The following MEST variants were observed in gnomAD, a reference collection of about 807,000 sequenced individuals.
MEST encodes the protein mesoderm specific transcript, also known as mesoderm-specific transcript homolog protein.
In MEST, 18 loss-of-function variants were observed where a neutral mutation model predicts 50.9. The ratio of observed to expected loss-of-function variants is 0.35; its 90% CI spans 0.24 to 0.52. The LOEUF is 0.52. MEST is among the 20% of genes least tolerant of loss of function. The pLI is 0.94. For synonymous variants in MEST, 130 were observed against 154.1 expected (o/e 0.84, Z 1.16); for missense variants, 282 against 425.3 (o/e 0.66, Z 2.96).
chr7:130,493,739 G>A (rs1419412265), intron 1 of MEST, among the ~76,000 whole-genome samples: 2 of 152,190 alleles, frequency 1.3e-5, no homozygotes, highest in Admixed American at 6.5e-5. Context: ...CTGGAACCCC[G>A]GGGATGAATG....
At chr7:130,491,592 C>T (rs1389803075), upstream of MEST, 4 of 152,282 alleles carry the variant, frequency 2.6e-5, no homozygotes, top group Non-Finnish European at 5.9e-5. The surrounding 1 kb of genome is among the most constrained non-coding windows in gnomAD (Gnocchi z 6.8). Flanking sequence ...CGCCACCTCT[C>T]ACGGTTCAGT....
intron 1 of MEST, 79 bp from the exon 2 acceptor site, chr7:130,495,289 C>G: frequency 7.0e-7 from 1 of 1,425,096 alleles, no homozygotes; most frequent in Non-Finnish European, 9.5e-7. Context: ...TCTCCCACCC[C>G]ATCTTACCAG....
upstream of MEST, chr7:130,491,092 A>G (rs880001492): frequency 1.3e-5 from 2 of 152,240 alleles, no homozygotes; most frequent in Non-Finnish European, 2.9e-5. This position sits in a 1 kb window ranked among gnomAD's most constrained non-coding sequence, Gnocchi z 6.8. Context: ...GTTCACCAGT[A>G]TTTCAGTTTA....
intron 1 of MEST, 119 bp from the exon 2 acceptor site, chr7:130,495,249 G>C (rs1799001858): frequency 1.0e-6 from 1 of 983,050 alleles, no homozygotes; most frequent in East Asian, 2.6e-5. Flanking sequence ...CTATGTGAAG[G>C]GCAATGTAAT....
intron 7 of MEST, 74 bp downstream of exon 7, chr7:130,499,989 C>T: frequency 4.1e-6 from 5 of 1,213,968 alleles, no homozygotes; most frequent in Non-Finnish European, 5.9e-6. Context: ...CTTTTAAGGG[C>T]CATAGCTCCT....
At chr7:130,494,943 T>C (rs1554436409) in intron 1 of MEST, 1 of 574,250 alleles carries the variant, frequency 1.7e-6, no homozygotes, top group Admixed American at 6.3e-5. Context: ...GGGTAGATGG[T>C]AGAGCTTTTG....
intron 11 of MEST, among the ~76,000 whole-genome samples, chr7:130,504,409 T>G (rs1799396270): frequency 6.6e-6 from 1 of 152,232 alleles, no homozygotes; most frequent in African/African-American, 2.4e-5. Flanking sequence ...GCCTTCTCAT[T>G]GGTTGCTATT....
chr7:130,500,696 A>G lies in MEST; in HGVS notation c.648-93A>G, dbSNP rs2116285103. ...ATAAATCACTTATGGGTCAGACTGC[A>G]TGGCCCAGACTGCATGGCCTCTGAG... On this transcript the variant is annotated intron_variant, in intron 8 of 11. Coordinates refer to ENST00000223215, the MANE Select transcript of MEST (RefSeq NM_002402.4). This position sits in a 1 kb window ranked among gnomAD's most constrained non-coding sequence, Gnocchi z 5.0. 2.4e-6 allele frequency: 3 copies of G among 1,227,036 alleles called. No homozygotes were observed. The highest frequency in any genetic ancestry group is 4.2e-5 in the Admixed American group (2 of 47,108). The allele number at this position is 1,227,036 out of a possible 1,614,324, so 76.0% of individuals were successfully genotyped here. A position where few individuals can be genotyped will look rare whatever the true frequency, so the allele number is the denominator to read the frequency against.
At chr7:130,491,902 G>A (rs1359903622), upstream of MEST, among the ~76,000 whole-genome samples, 3 of 152,068 alleles carry the variant, frequency 2.0e-5, no homozygotes, top group Non-Finnish European at 4.4e-5. The surrounding 1 kb of genome is among the most constrained non-coding windows in gnomAD (Gnocchi z 6.8). Flanking sequence ...CACCCCTGAA[G>A]GTGCCCCCTA....
chr7:130,488,339 C>A (rs1798684284), upstream of MEST: 1 of 152,328 alleles, frequency 6.6e-6, no homozygotes, highest in Non-Finnish European at 1.5e-5. Flanking sequence ...ATCTGTTTCT[C>A]TACAATTTGC....
upstream of MEST, chr7:130,487,183 G>C (rs1201406027): frequency 6.6e-6 from 1 of 152,006 alleles, no homozygotes; most frequent in Non-Finnish European, 1.5e-5. Flanking sequence ...CTAGAAAATT[G>C]CCTGTCTGAA....
At chr7:130,502,534 T>C in intron 9 of MEST, 110 bp from the exon 10 acceptor site, 1 of 801,856 alleles carries the variant, frequency 1.2e-6, no homozygotes, top group Admixed American at 2.2e-5. Context: ...GCTAAACTGC[T>C]TCTGGATTAA....
At chr7:130,502,262 G>A (rs1160450235) in intron 9 of MEST, among the ~76,000 whole-genome samples, 3 of 152,152 alleles carry the variant, frequency 2.0e-5, no homozygotes, top group Non-Finnish European at 4.4e-5. Flanking sequence ...TGAGGAAACC[G>A]AGTTGAAAGA....
intron 1 of MEST, chr7:130,493,404 G>A (rs1798910001): frequency 6.6e-6 from 1 of 152,072 alleles, no homozygotes. Context: ...CAAATAGTTG[G>A]GATTTTGGCC....
chr7:130,487,605 G>A (rs938384470), upstream of MEST: 3 of 152,186 alleles, frequency 2.0e-5, no homozygotes, highest in Admixed American at 6.5e-5. Context: ...GCCTGAAGAG[G>A]AACACACCAG....
At position 130,498,186 on chromosome 7, in the gene MEST, G is replaced by C; in HGVS notation, c.387G>C (p.Ala129=). Residue 129 remains alanine (A), a synonymous_variant, in exon 5 of 12, where the codon GCG becomes GCC. Coordinates refer to ENST00000223215, the MANE Select transcript of MEST (RefSeq NM_002402.4). ...SIFEQASIVE[A]LLRHLGLQNR... ...TTGAGCAGGCCAGCATCGTGGAAGC[G>C]CTTTTGCGGCATCTGGGGCTCCAGA... 6.2e-7 allele frequency: 1 copy of C among 1,614,122 alleles called. No individual in the cohort carries two copies. Among genetic ancestry groups the C allele is most frequent in the Non-Finnish European group, 8.5e-7 (1 of 1,180,018 alleles).
rs1179785709 is a variant in MEST at position 130,492,737 on chromosome 7, A to G, written c.26+398A>G. Among the ~76,000 whole-genome samples the G allele has an allele frequency of 6.6e-6, 1 of 151,962 alleles. No individual in the cohort carries two copies. Among genetic ancestry groups the G allele is most frequent in the African/African-American group, 2.4e-5 (1 of 41,348 alleles). On this transcript the variant is annotated intron_variant, in intron 1 of 11. Transcript: ENST00000223215. The surrounding 1 kb of genome is among the most constrained non-coding windows in gnomAD (Gnocchi z 7.6). ...TTTTATACTCAGTCATTGCTGCAGC[A>G]TGATTTAGGATTTCTAACCCCCAGC... is the stretch of plus-strand genomic sequence containing the variant.
Position 130,492,398 on chromosome 7 carries a change from C to A in MEST, c.26+59C>A. 1 of 1,230,560 alleles carries A rather than the reference C, an allele frequency of 8.1e-7. No homozygotes were observed. The highest frequency in any genetic ancestry group is 4.2e-5 in the Admixed American group (1 of 23,800). 76.2% of individuals were successfully genotyped at this position (1,230,560 alleles called of 1,614,324 possible). A position where few individuals can be genotyped will look rare whatever the true frequency, so the allele number is the denominator to read the frequency against. ...GGCGGCCCTGGGACTAGGGCGCAGG[C>A]GAGCGGAGGACTGTGTGCCCGTGTC... On this transcript the variant is annotated intron_variant, in intron 1 of 11. Transcript: ENST00000223215. This position sits in a 1 kb window ranked among gnomAD's most constrained non-coding sequence, Gnocchi z 7.6.
Position 130,497,902 on chromosome 7 carries a change from G to A in MEST, c.262-34G>A, listed in dbSNP as rs1375146963. 1 of 1,602,786 alleles carries A rather than the reference G, an allele frequency of 6.2e-7. No homozygotes were observed. Among genetic ancestry groups the A allele is most frequent in the Non-Finnish European group, 8.5e-7 (1 of 1,169,774 alleles). Reference sequence around the variant, plus strand: ...GGTCTGGTGAAAGGGAGGGGCAGGAGCAGAAAGCCCAAATCATCGTTTCTT... The same window carrying A: ...GGTCTGGTGAAAGGGAGGGGCAGGAACAGAAAGCCCAAATCATCGTTTCTT... On this transcript the variant is annotated intron_variant, in intron 3 of 11. Coordinates refer to ENST00000223215, the MANE Select transcript of MEST (RefSeq NM_002402.4). The surrounding 1 kb of genome is among the most constrained non-coding windows in gnomAD (Gnocchi z 4.0).
Sources: allele counts gnomAD v4.1 joint callset (sites outside exome capture counted in the v4.1 genomes callset), GRCh38; gene constraint gnomAD v4.1.1; non-coding constraint Gnocchi (gnomAD v3.1); transcripts MANE v1.5; gene names NCBI Gene and HGNC (gene_info 2026-07-23, HGNC 2026-07-21).